XXYLT1: variants seen among roughly 807,000 people sequenced by gnomAD.
XXYLT1 encodes the protein UDP-xylose:alpha-xyloside alpha-1,3-xylosyltransferase.
In XXYLT1, 20 loss-of-function variants were observed where a neutral mutation model predicts 28.9. The ratio of observed to expected loss-of-function variants is 0.69; its 90% CI spans 0.49 to 1.00. The LOEUF is 1.00. XXYLT1 is among the 50% of genes least tolerant of loss of function. XXYLT1 has a pLI of 0.00. For missense variants in XXYLT1, 542 were observed against 560.1 expected (o/e 0.97, Z 0.33); for synonymous variants, 257 against 253.8 (o/e 1.01, Z -0.12).
intron 3 of XXYLT1, among the ~76,000 whole-genome samples, chr3:195,109,829 G>A (rs1264336214): frequency 1.6e-5 from 1 of 63,306 alleles, no homozygotes; most frequent in African/African-American, 5.7e-5. Flanking sequence ...TGGTGTATGA[G>A]TGTGCGTGTG....
At chr3:195,174,186 G>A (rs568274649) in intron 2 of XXYLT1, among the ~76,000 whole-genome samples, 1 of 152,278 alleles carries the variant, frequency 6.6e-6, no homozygotes, top group Admixed American at 6.5e-5. Context: ...TTTGTCTAGA[G>A]ACCCTTTGTC....
chr3:195,088,571 G>A (rs1342308030), intron 3 of XXYLT1, among the ~76,000 whole-genome samples: 1 of 118,046 alleles, frequency 8.5e-6, no homozygotes, highest in Non-Finnish European at 1.8e-5. Flanking sequence ...CCACAAAGAT[G>A]GGGAAAAAAC....
intron 1 of XXYLT1, among the ~76,000 whole-genome samples, chr3:195,258,722 G>A (rs1322135486): frequency 6.6e-6 from 1 of 152,218 alleles, no homozygotes; most frequent in Non-Finnish European, 1.5e-5. Context: ...AAGAGAAAGT[G>A]TGGATGCCCC....
chr3:195,198,826 T>C (rs535146408), intron 2 of XXYLT1, among the ~76,000 whole-genome samples: 2 of 152,324 alleles, frequency 1.3e-5, no homozygotes, highest in Non-Finnish European at 2.9e-5. Context: ...AGTCACTCTT[T>C]CATCTCAGGA....
chr3:195,179,884 C>T (rs1383280694), intron 2 of XXYLT1, among the ~76,000 whole-genome samples: 3 of 152,204 alleles, frequency 2.0e-5, no homozygotes, highest in Non-Finnish European at 4.4e-5. Context: ...TGCCCTGCGT[C>T]GCCCATGCTG....
chr3:195,264,744 T>C (rs113130550), intron 1 of XXYLT1, among the ~76,000 whole-genome samples: 1 of 152,098 alleles, frequency 6.6e-6, no homozygotes, highest in Non-Finnish European at 1.5e-5. Context: ...TATGAATGAA[T>C]ACATGAAAAA....
At chr3:195,259,536 G>A (rs1380895386) in intron 1 of XXYLT1, 2 of 983,498 alleles carry the variant, frequency 2.0e-6, no homozygotes, top group Non-Finnish European at 2.4e-6. Context: ...GCAAGCAGGC[G>A]GCCGGGCTCC....
At chr3:195,149,208 T>TAC (rs1361682629) in intron 3 of XXYLT1, among the ~76,000 whole-genome samples, 1 of 152,086 alleles carries the variant, frequency 6.6e-6, no homozygotes, top group African/African-American at 2.4e-5. Context: ...TTTATTTACA[T>TAC]ATACACACAC....
intron 1 of XXYLT1, among the ~76,000 whole-genome samples, chr3:195,253,070 G>A (rs1252632175): frequency 1.3e-5 from 2 of 152,200 alleles, no homozygotes; most frequent in African/African-American, 4.8e-5. Flanking sequence ...GGAGAAGCAA[G>A]TCACAAAGGG....
intron 3 of XXYLT1, among the ~76,000 whole-genome samples, chr3:195,143,154 A>G (rs1341434343): frequency 6.6e-6 from 1 of 152,216 alleles, no homozygotes; most frequent in Non-Finnish European, 1.5e-5. Flanking sequence ...TACCAATAAA[A>G]ATCAGCTATT....
intron 2 of XXYLT1, among the ~76,000 whole-genome samples, chr3:195,224,768 C>T (rs949791827): frequency 5.3e-5 from 8 of 152,176 alleles, no homozygotes; most frequent in African/African-American, 1.9e-4. Context: ...TTCCTGCAAG[C>T]CCTGGGCTCT....
At chr3:195,231,871 C>T (rs114346962) in intron 1 of XXYLT1, among the ~76,000 whole-genome samples, 2,404 of 151,640 alleles carry the variant, frequency 0.016, 58 homozygotes, top group African/African-American at 0.056. Flanking sequence ...ATGTGTCTGT[C>T]TGGTTTTTGG....
At chr3:195,270,403 C>T (rs1725980603) in intron 1 of XXYLT1, 152 bp downstream of exon 1, 2 of 1,320,394 alleles carry the variant, frequency 1.5e-6, no homozygotes, top group Admixed American at 7.5e-5. Flanking sequence ...CCGAACGAGC[C>T]CTCCCGCAGG....
At position 195,256,544 on chromosome 3, in the gene XXYLT1, A is replaced by G; in HGVS notation, c.504+14011T>C. The G allele has an allele frequency of 3.0e-6, 3 of 985,398 alleles. No individual in the cohort carries two copies. The highest frequency in any genetic ancestry group is 3.6e-6 in the Non-Finnish European group (3 of 829,914). 61.0% of individuals were successfully genotyped at this position (985,398 alleles called of 1,614,324 possible). A position where few individuals can be genotyped will look rare whatever the true frequency, so the allele number is the denominator to read the frequency against. On this transcript the variant is annotated intron_variant, in intron 1 of 3. Coordinates refer to ENST00000310380, the MANE Select transcript of XXYLT1 (RefSeq NM_152531.5). This position sits in a 1 kb window ranked among gnomAD's most constrained non-coding sequence, Gnocchi z 4.2. ...GGGATTATCCCAGAAAGAGGGGAAG[A>G]GCAGCCTCCTCACACCCCGCAACTT...
rs138988487 is a variant in XXYLT1, at chr3:195,157,368, G to A, written c.653-787C>T. ...TATGGTCTCAGGCCTTTATCAGTGC[G>A]TTCTGCAAACCCAGATGTGTGTCAA... is the stretch of plus-strand genomic sequence containing the variant. On this transcript the variant is annotated intron_variant, in intron 2 of 3. Transcript: ENST00000310380. 8.2e-3 allele frequency among the ~76,000 whole-genome samples: 1,248 copies of A among 152,040 alleles called. 17 individuals are homozygous for A. The highest frequency in any genetic ancestry group is 0.029 in the African/African-American group (1,205 of 41,420).
At chr3:195,199,586 G>A (rs1488487092) in intron 2 of XXYLT1, among the ~76,000 whole-genome samples, 1 of 152,012 alleles carries the variant, frequency 6.6e-6, no homozygotes, top group Non-Finnish European at 1.5e-5. Context: ...ACTCCAGCCT[G>A]GGTGACAAAG....
intron 3 of XXYLT1, among the ~76,000 whole-genome samples, chr3:195,114,312 C>T (rs1161431493): frequency 1.3e-5 from 2 of 152,146 alleles, no homozygotes; most frequent in Non-Finnish European, 2.9e-5. Context: ...CACACCATTG[C>T]ACCCAAAATG....
Position 195,119,422 on chromosome 3 carries a change from G to C in XXYLT1, c.785+37027C>G, listed in dbSNP as rs571015990. Among the ~76,000 whole-genome samples, 26 of 152,340 alleles carry C rather than the reference G, an allele frequency of 1.7e-4. 1 individual carries two copies. Among genetic ancestry groups the C allele is most frequent in the Admixed American group, 1.6e-3 (25 of 15,306 alleles). On this transcript the variant is annotated intron_variant, in intron 3 of 3. Transcript: ENST00000310380. Reference sequence around the variant, plus strand: ...GACTTTATTGGTCCTGCTGAGGACAGGCGATGAAGGGTATCCAGTAAGGGA... The same window carrying C: ...GACTTTATTGGTCCTGCTGAGGACACGCGATGAAGGGTATCCAGTAAGGGA...
chr3:195,088,795 A>G (rs369294683), intron 3 of XXYLT1, among the ~76,000 whole-genome samples: 159 of 143,274 alleles, frequency 1.1e-3, no homozygotes, highest in Non-Finnish European at 1.6e-3. Context: ...TTAGAAGAAT[A>G]TATAACTAGA....
Sources: allele counts gnomAD v4.1 joint callset (sites outside exome capture counted in the v4.1 genomes callset), GRCh38; gene constraint gnomAD v4.1.1; non-coding constraint Gnocchi (gnomAD v3.1); transcripts MANE v1.5; gene names NCBI Gene and HGNC (gene_info 2026-07-23, HGNC 2026-07-21).